AFAP1: variants seen among roughly 807,000 people sequenced by gnomAD.
AFAP1 encodes the protein actin filament-associated protein 1.
Under a neutral mutation model 93.9 loss-of-function variants are expected in AFAP1, and 75 were observed. The ratio of observed to expected loss-of-function variants is 0.80; its 90% CI spans 0.66 to 0.97. AFAP1 has a LOEUF of 0.97. Ranked by LOEUF, AFAP1 falls within the 50% of genes least tolerant of loss-of-function variation. The pLI is 0.00. For synonymous variants in AFAP1, 517 were observed against 430.7 expected (o/e 1.20, Z -2.48); for missense variants, 1,201 against 1,050.8 (o/e 1.14, Z -1.98).
chr4:7,897,543 G>A (rs1718858730), intron 1 of AFAP1, among the ~76,000 whole-genome samples: 1 of 144,668 alleles, frequency 6.9e-6, no homozygotes, highest in Non-Finnish European at 1.5e-5. Context: ...TGGTTTTTTT[G>A]ACATGGAGTC....
At chr4:7,860,549 A>T (rs895166530) in intron 3 of AFAP1, among the ~76,000 whole-genome samples, 18 of 152,306 alleles carry the variant, frequency 1.2e-4, no homozygotes, top group South Asian at 4.1e-4. Flanking sequence ...AATAACAGTC[A>T]GATGTCAGCC....
intron 10 of AFAP1, 89 bp from the exon 11 acceptor site, chr4:7,793,915 A>G: frequency 7.5e-7 from 1 of 1,326,446 alleles, no homozygotes; most frequent in Non-Finnish European, 9.9e-7. Flanking sequence ...ACATAATAGG[A>G]AAGGCGATGA....
intron 1 of AFAP1, among the ~76,000 whole-genome samples, chr4:7,884,854 G>A (rs1360303968): frequency 3.3e-5 from 5 of 152,170 alleles, no homozygotes; most frequent in African/African-American, 9.7e-5. Flanking sequence ...ATGAGCTCCT[G>A]GAGAATGACA....
chr4:7,818,801 C>T (rs975830536), intron 7 of AFAP1, among the ~76,000 whole-genome samples: 53 of 152,214 alleles, frequency 3.5e-4, no homozygotes, highest in African/African-American at 1.3e-3. Context: ...TCAGCTCTGC[C>T]ATTTAATAGC....
intron 1 of AFAP1, among the ~76,000 whole-genome samples, chr4:7,925,141 T>C (rs989593641): frequency 4.6e-5 from 7 of 151,876 alleles, no homozygotes; most frequent in Non-Finnish European, 1.0e-4. Flanking sequence ...CCTGTCCTCA[T>C]AGGGTCGGCC....
intron 1 of AFAP1, among the ~76,000 whole-genome samples, chr4:7,919,799 G>A (rs1720334189): frequency 6.7e-6 from 1 of 148,174 alleles, no homozygotes; most frequent in Admixed American, 6.7e-5. Flanking sequence ...CCCTCCCCTC[G>A]CCCCACCCCC....
chr4:7,896,321 A>G (rs1718763716), intron 1 of AFAP1, among the ~76,000 whole-genome samples: 1 of 152,116 alleles, frequency 6.6e-6, no homozygotes, highest in Non-Finnish European at 1.5e-5. Context: ...AGGACTCAGA[A>G]GTTACAAGAC....
In AFAP1 at chr4:7,780,643, C is replaced by CA. The variant is rs747970539; in HGVS notation, c.1782+732_1782+733insT. On this transcript the variant is annotated intron_variant, in intron 13 of 17. Coordinates refer to ENST00000420658, the MANE Select transcript of AFAP1 (RefSeq NM_001134647.2). Reference sequence around the variant, plus strand: ...CCTGGGCAACATAGTGAGACTTCATCTTTTTTTTTTTTTTTAAAAAGGCCT... The same window carrying CA: ...CCTGGGCAACATAGTGAGACTTCATCATTTTTTTTTTTTTTTAAAAAGGCCT... 4.9e-5 allele frequency among the ~76,000 whole-genome samples: 7 copies of CA among 142,602 alleles called. No homozygotes were observed. In the East Asian group the frequency reaches 1.4e-3, roughly 29 times the overall value. 93.6% of individuals were successfully genotyped at this position (142,602 alleles called of 152,430 possible).
chr4:7,864,164 C>CACCTTCCCAA (rs1314891559), intron 3 of AFAP1, among the ~76,000 whole-genome samples: 1 of 151,914 alleles, frequency 6.6e-6, no homozygotes, highest in African/African-American at 2.4e-5. Flanking sequence ...CTCATCACAA[C>CACCTTCCCAA]CCACAGGTCC....
intron 3 of AFAP1, among the ~76,000 whole-genome samples, chr4:7,858,841 C>A (rs537819615): frequency 6.6e-6 from 1 of 152,336 alleles, no homozygotes; most frequent in South Asian, 2.1e-4. Flanking sequence ...TTCCAGCATT[C>A]TTATAAAGTT....
chr4:7,868,640 C>G lies in AFAP1; in HGVS notation c.207G>C (p.Glu69Asp). The change falls in exon 3 of 18, where the codon GAG becomes GAC. Residue 69 changes from glutamate (E) to aspartate (D), a missense_variant. Glu to Asp is a conservative substitution (Grantham distance 45, BLOSUM62 2). Transcript: ENST00000420658. ...LPAPPQMPLPEIPQPWLPPDS... is the reference protein window; with the variant it reads ...LPAPPQMPLPDIPQPWLPPDS... Reference sequence around the variant, plus strand: ...GACTCACCAGCCAGGGCTGAGGGATCTCCGGCAGGGGCATCTGAGGAGGGG... The same window carrying G: ...GACTCACCAGCCAGGGCTGAGGGATGTCCGGCAGGGGCATCTGAGGAGGGG... 6.2e-7 allele frequency: 1 copy of G among 1,612,344 alleles called. No homozygotes were observed. The highest frequency in any genetic ancestry group is 8.5e-7 in the Non-Finnish European group (1 of 1,179,782).
At chr4:7,794,267 C>G (rs1487278205) in intron 10 of AFAP1, among the ~76,000 whole-genome samples, 1 of 152,188 alleles carries the variant, frequency 6.6e-6, no homozygotes, top group African/African-American at 2.4e-5. Flanking sequence ...CTTTTTTATA[C>G]CAGGAGCCCT....
intron 1 of AFAP1, among the ~76,000 whole-genome samples, chr4:7,914,810 C>T (rs1039967465): frequency 1.1e-4 from 17 of 152,286 alleles, no homozygotes; most frequent in Admixed American, 7.8e-4. Context: ...GTGGCGCGAT[C>T]TCAGCTCGCT....
intron 1 of AFAP1, among the ~76,000 whole-genome samples, chr4:7,893,776 C>G (rs1577340472): frequency 6.6e-6 from 1 of 152,108 alleles, no homozygotes; most frequent in East Asian, 1.9e-4. Context: ...AACATGCTCC[C>G]AGGTGGTGTC....
intron 13 of AFAP1, among the ~76,000 whole-genome samples, chr4:7,779,954 G>A (rs1476992985): frequency 6.6e-6 from 1 of 152,040 alleles, no homozygotes; most frequent in Non-Finnish European, 1.5e-5. Context: ...AAAACAAAAG[G>A]GGACAATAGT....
chr4:7,896,902 A>ATGTGACACGG (rs781165489), intron 1 of AFAP1, among the ~76,000 whole-genome samples: 1 of 150,790 alleles, frequency 6.6e-6, no homozygotes, highest in Non-Finnish European at 1.5e-5. Flanking sequence ...GCCTGGCAGC[A>ATGTGACACGG]TGTGACACGG....
intron 3 of AFAP1, among the ~76,000 whole-genome samples, chr4:7,867,178 C>T (rs1445925622): frequency 6.6e-6 from 1 of 151,278 alleles, no homozygotes; most frequent in African/African-American, 2.4e-5. Flanking sequence ...CATCAAAGCC[C>T]CCATCCACAC....
intron 10 of AFAP1, among the ~76,000 whole-genome samples, chr4:7,797,553 G>C (rs902298346): frequency 6.6e-6 from 1 of 152,192 alleles, no homozygotes; most frequent in Admixed American, 6.5e-5. Context: ...GCCTTCTACA[G>C]AAAAGCAGTC....
At chr4:7,845,733 C>T (rs911674078) in intron 4 of AFAP1, among the ~76,000 whole-genome samples, 2 of 152,142 alleles carry the variant, frequency 1.3e-5, no homozygotes, top group South Asian at 2.1e-4. Context: ...TCAGCACCTA[C>T]ACTCACCAAG....
Sources: allele counts gnomAD v4.1 joint callset (sites outside exome capture counted in the v4.1 genomes callset), GRCh38; gene constraint gnomAD v4.1.1; transcripts MANE v1.5; gene names NCBI Gene and HGNC (gene_info 2026-07-23, HGNC 2026-07-21).